PRKG1: variants seen among roughly 807,000 people sequenced by gnomAD.
PRKG1 encodes the protein protein kinase cGMP-dependent 1.
In PRKG1, 35 loss-of-function variants were observed where a neutral mutation model predicts 88.1. The observed-to-expected ratio is 0.40, with a 90% CI of 0.30 to 0.53. The LOEUF is 0.53. Ranked by LOEUF, PRKG1 falls within the 20% of genes least tolerant of loss-of-function variation. The pLI is 0.59. For synonymous variants in PRKG1, 303 were observed against 292.5 expected, an observed-to-expected ratio of 1.04 and a Z score of -0.37; for missense variants, 540 against 839.8, an observed-to-expected ratio of 0.64 and a Z score of 4.41.
At chr10:51,416,969 A>G (rs1838259474) in intron 2 of PRKG1, among the ~76,000 whole-genome samples, 1 of 152,230 alleles carries the variant, frequency 6.6e-6, no homozygotes, top group South Asian at 2.1e-4. Flanking sequence ...GAAAAAAACT[A>G]GTAAACGTGT....
intron 1 of PRKG1, among the ~76,000 whole-genome samples, chr10:51,007,387 A>G (rs897792546): frequency 1.3e-5 from 2 of 152,202 alleles, no homozygotes; most frequent in African/African-American, 4.8e-5. Context: ...TAAGTTTTCT[A>G]CACAAATAAA....
chr10:51,605,098 A>G (rs866609663), intron 3 of PRKG1, among the ~76,000 whole-genome samples: 1 of 151,690 alleles, frequency 6.6e-6, no homozygotes, highest in Non-Finnish European at 1.5e-5. Context: ...CCAAGGCTAT[A>G]CTCCCCTCGG....
At chr10:51,896,666 A>AAAAAAG (rs1841856587) in intron 4 of PRKG1, among the ~76,000 whole-genome samples, 1 of 150,396 alleles carries the variant, frequency 6.6e-6, no homozygotes, top group Non-Finnish European at 1.5e-5. Context: ...AAAAAAAAAA[A>AAAAAAG]AAAAGAAAAG....
At chr10:51,766,893 G>A (rs1349150019) in intron 3 of PRKG1, among the ~76,000 whole-genome samples, 2 of 152,088 alleles carry the variant, frequency 1.3e-5, no homozygotes, top group East Asian at 3.9e-4. Context: ...CAAATGTTTT[G>A]AGGACTGACA....
chr10:51,567,623 A>G (rs1032226721), intron 3 of PRKG1, among the ~76,000 whole-genome samples: 26 of 152,014 alleles, frequency 1.7e-4, no homozygotes, highest in Non-Finnish European at 3.2e-4. Flanking sequence ...GTCTCCCTCT[A>G]TCACCCAGGC....
chr10:51,030,262 GTTC>G (rs559659815), intron 1 of PRKG1, among the ~76,000 whole-genome samples: 277 of 151,792 alleles, frequency 1.8e-3, no homozygotes, highest in Non-Finnish European at 3.0e-3. Context: ...TCAGAGAAAA[GTTC>G]TTCTTTTTCA....
At chr10:52,227,899 G>C (rs149038082) in intron 9 of PRKG1, among the ~76,000 whole-genome samples, 4 of 152,110 alleles carry the variant, frequency 2.6e-5, no homozygotes, top group African/African-American at 4.8e-5. Flanking sequence ...CAATGAAAAC[G>C]TGGTAATTTC....
chr10:51,305,639 G>A (rs1242625249), intron 2 of PRKG1, among the ~76,000 whole-genome samples: 1 of 152,152 alleles, frequency 6.6e-6, no homozygotes, highest in Non-Finnish European at 1.5e-5. Context: ...ATGCACTCAG[G>A]AGAATGTGCT....
intron 2 of PRKG1, among the ~76,000 whole-genome samples, chr10:51,453,703 A>C (rs1038505172): frequency 1.3e-5 from 2 of 152,038 alleles, no homozygotes; most frequent in African/African-American, 4.8e-5. Context: ...TGTTAAGTTT[A>C]TTGAGATGTA....
intron 2 of PRKG1, among the ~76,000 whole-genome samples, chr10:51,348,940 G>C (rs902821322): frequency 2.6e-5 from 4 of 152,114 alleles, no homozygotes; most frequent in African/African-American, 9.7e-5. Context: ...TTGGTAGCAG[G>C]TGAAATCCGG....
At chr10:51,308,428 T>C (rs1283848084) in intron 2 of PRKG1, among the ~76,000 whole-genome samples, 1 of 152,210 alleles carries the variant, frequency 6.6e-6, no homozygotes, top group African/African-American at 2.4e-5. Context: ...TTTGCAATGA[T>C]TAAATTACAT....
intron 14 of PRKG1, among the ~76,000 whole-genome samples, chr10:52,285,058 C>A (rs964994481): frequency 6.6e-6 from 1 of 151,974 alleles, no homozygotes; most frequent in Non-Finnish European, 1.5e-5. Flanking sequence ...GGTAGGCGGC[C>A]CAATCTAAGG....
chr10:51,080,496 C>T (rs1023649231), intron 1 of PRKG1, among the ~76,000 whole-genome samples: 1 of 152,072 alleles, frequency 6.6e-6, no homozygotes, highest in Non-Finnish European at 1.5e-5. Flanking sequence ...CAACCATATT[C>T]GAACACCAGG....
At chr10:51,886,068 C>A (rs968216204) in intron 4 of PRKG1, among the ~76,000 whole-genome samples, 5 of 152,112 alleles carry the variant, frequency 3.3e-5, no homozygotes, top group Non-Finnish European at 5.9e-5. Context: ...CTCTGTCACC[C>A]AGGCTGGACT....
At chr10:51,988,138 A>C (rs1297120832) in intron 5 of PRKG1, among the ~76,000 whole-genome samples, 1 of 152,064 alleles carries the variant, frequency 6.6e-6, no homozygotes, top group African/African-American at 2.4e-5. Context: ...TAAACTTTGC[A>C]TAATATCGTT....
chr10:51,404,055 ATTC>A (rs1241644251), intron 2 of PRKG1, among the ~76,000 whole-genome samples: 3 of 152,204 alleles, frequency 2.0e-5, no homozygotes, highest in Non-Finnish European at 4.4e-5. Flanking sequence ...ATAGTTTACT[ATTC>A]TCTAAAAAAC....
chr10:51,753,946 T>G (rs1837792092), intron 3 of PRKG1, among the ~76,000 whole-genome samples: 1 of 152,158 alleles, frequency 6.6e-6, no homozygotes, highest in Non-Finnish European at 1.5e-5. Flanking sequence ...ATCGTTTTGT[T>G]GTTGTTCTTT....
At chr10:52,170,248 A>T (rs754080278) in intron 9 of PRKG1, among the ~76,000 whole-genome samples, 2 of 152,200 alleles carry the variant, frequency 1.3e-5, no homozygotes, top group South Asian at 4.1e-4. Flanking sequence ...AAAACTTAAT[A>T]AAAACCCACC....
At chr10:52,073,195 T>C (rs774782868) in intron 7 of PRKG1, among the ~76,000 whole-genome samples, 5 of 152,320 alleles carry the variant, frequency 3.3e-5, no homozygotes, top group Admixed American at 6.5e-5. Context: ...TCTTTCTTTA[T>C]GAGAACACCA....
Sources: allele counts gnomAD v4.1 joint callset (sites outside exome capture counted in the v4.1 genomes callset), GRCh38; gene constraint gnomAD v4.1.1; transcripts MANE v1.5; gene names NCBI Gene and HGNC (gene_info 2026-07-23, HGNC 2026-07-21).